SHTN1: variants seen among roughly 807,000 people sequenced by gnomAD.
SHTN1 encodes the protein shootin 1, also known as shootin-1.
A neutral mutation model predicts 83.1 loss-of-function variants in SHTN1; 42 were observed. That is an observed-to-expected ratio of 0.51 (90% CI 0.39 to 0.65). The LOEUF (loss-of-function observed/expected upper bound fraction) is 0.65. Among genes scored for constraint, SHTN1 ranks in the 30% least tolerant of loss-of-function variants. SHTN1 has a pLI of 0.00. For synonymous variants in SHTN1, 224 were observed against 247.7 expected (o/e 0.90, Z 0.90); for missense variants, 622 against 737.8 (o/e 0.84, Z 1.82).
chr10:117,033,287 G>A (rs1334516793), intron 2 of SHTN1, among the ~76,000 whole-genome samples: 5 of 151,730 alleles, frequency 3.3e-5, no homozygotes. Flanking sequence ...CAAACCTTTA[G>A]CCAGACTAAG....
intron 1 of SHTN1, among the ~76,000 whole-genome samples, chr10:117,069,876 T>C (rs1012493362): frequency 6.6e-6 from 1 of 152,130 alleles, no homozygotes; most frequent in Non-Finnish European, 1.5e-5. Context: ...GGGAAAATAT[T>C]TAAAGCCCTG....
intron 1 of SHTN1, among the ~76,000 whole-genome samples, chr10:117,117,105 A>G (rs1008757388): frequency 1.3e-5 from 2 of 152,136 alleles, no homozygotes; most frequent in Non-Finnish European, 2.9e-5. Flanking sequence ...TAGGAAAAGA[A>G]GAAGTCAAAC....
intron 4 of SHTN1, among the ~76,000 whole-genome samples, chr10:116,954,688 G>C (rs893908302): frequency 6.6e-6 from 1 of 151,982 alleles, no homozygotes; most frequent in African/African-American, 2.4e-5. Context: ...CCATCCCTTT[G>C]GCCACAGCGA....
At chr10:116,923,304 A>T (rs1392059070) in intron 11 of SHTN1, among the ~76,000 whole-genome samples, 2 of 152,240 alleles carry the variant, frequency 1.3e-5, no homozygotes, top group African/African-American at 4.8e-5. Context: ...ACATATCTGC[A>T]TATAGCATCA....
intron 5 of SHTN1, among the ~76,000 whole-genome samples, chr10:116,953,186 G>T (rs1026641798): frequency 6.6e-6 from 1 of 152,182 alleles, no homozygotes; most frequent in African/African-American, 2.4e-5. Flanking sequence ...TACTGAGCCA[G>T]AACTGCTTTC....
chr10:117,053,616 C>T (rs1219560499), intron 1 of SHTN1, among the ~76,000 whole-genome samples: 1 of 152,062 alleles, frequency 6.6e-6, no homozygotes, highest in African/African-American at 2.4e-5. Context: ...GAAGTGTTGG[C>T]AAGGATGTGG....
chr10:117,107,869 A>T (rs1373261761), intron 1 of SHTN1, among the ~76,000 whole-genome samples: 1 of 152,188 alleles, frequency 6.6e-6, no homozygotes, highest in Non-Finnish European at 1.5e-5. Context: ...TCTGTCACCC[A>T]GGCTGGAGTG....
At chr10:117,004,048 C>T (rs976200339) in intron 1 of SHTN1, among the ~76,000 whole-genome samples, 4 of 151,982 alleles carry the variant, frequency 2.6e-5, no homozygotes, top group African/African-American at 7.2e-5. Flanking sequence ...CCACCACGCC[C>T]GGCTAATTTT....
intron 8 of SHTN1, among the ~76,000 whole-genome samples, chr10:116,943,908 ACTCCT>A (rs1454803431): frequency 1.3e-5 from 2 of 151,966 alleles, no homozygotes; most frequent in African/African-American, 4.8e-5. Context: ...CCATTGGTGA[ACTCCT>A]CATCCCCCTG....
intron 2 of SHTN1, among the ~76,000 whole-genome samples, chr10:116,978,163 T>C (rs1850877780): frequency 6.6e-6 from 1 of 152,196 alleles, no homozygotes; most frequent in Non-Finnish European, 1.5e-5. Context: ...ACTGGAGTAC[T>C]TACCATTAAT....
chr10:116,923,480 G>A (rs924274388), intron 11 of SHTN1, among the ~76,000 whole-genome samples: 1 of 151,988 alleles, frequency 6.6e-6, no homozygotes, highest in African/African-American at 2.4e-5. Context: ...GCATAACATT[G>A]CCCTTAGGAA....
At chr10:116,979,427 G>T in intron 1 of SHTN1, 119 bp from the exon 2 acceptor site, 1 of 776,294 alleles carries the variant, frequency 1.3e-6, no homozygotes, top group Non-Finnish European at 2.2e-6. Flanking sequence ...TGGAGAAGAG[G>T]CTGCAGAAAA....
intron 16 of SHTN1, among the ~76,000 whole-genome samples, chr10:116,894,969 TTATAA>T (rs2133310297): frequency 6.6e-6 from 1 of 152,282 alleles, no homozygotes; most frequent in South Asian, 2.1e-4. Context: ...CTGCCTCTCT[TTATAA>T]TAAAAATGTC....
chr10:117,061,707 G>A (rs535418093), intron 1 of SHTN1, among the ~76,000 whole-genome samples: 242 of 152,188 alleles, frequency 1.6e-3, no homozygotes, highest in African/African-American at 5.3e-3. Flanking sequence ...CCGACCTCAG[G>A]TGATCCGCCT....
At chr10:117,052,228 G>A (rs1180915167) in intron 1 of SHTN1, among the ~76,000 whole-genome samples, 2 of 151,558 alleles carry the variant, frequency 1.3e-5, no homozygotes, top group Non-Finnish European at 2.9e-5. Context: ...CCAAGGAGAT[G>A]TAAGATTTGT....
In SHTN1 at chr10:116,884,020, T is replaced by G; in HGVS notation, c.*2324A>C. The G allele has an allele frequency of 4.4e-6, 1 of 224,724 alleles. No individual in the cohort carries two copies. Among genetic ancestry groups the G allele is most frequent in the Non-Finnish European group, 9.3e-6 (1 of 107,126 alleles). 13.9% of individuals were successfully genotyped at this position (224,724 alleles called of 1,614,324 possible). A position where few individuals can be genotyped will look rare whatever the true frequency, so the allele number is the denominator to read the frequency against. On this transcript the variant is annotated 3_prime_UTR_variant, in exon 17 of 17. Coordinates refer to ENST00000355371, the MANE Select transcript of SHTN1 (RefSeq NM_001127211.3). ...TATAAAATGCATCAACATTCGTTTT[T>G]CTTAAAGAAAAAAAATCCTCTATAG...
chr10:117,095,270 C>T (rs1853488808), intron 1 of SHTN1, among the ~76,000 whole-genome samples: 1 of 152,146 alleles, frequency 6.6e-6, no homozygotes, highest in African/African-American at 2.4e-5. Flanking sequence ...AATAAGCATA[C>T]AGCAAGAGAG....
intron 2 of SHTN1, among the ~76,000 whole-genome samples, chr10:117,010,806 A>G (rs1589894456): frequency 1.3e-5 from 2 of 152,346 alleles, no homozygotes; most frequent in East Asian, 3.9e-4. Context: ...AATATGTCAC[A>G]TTAATAGGAA....
At chr10:116,945,497 C>T (rs929712302) in intron 7 of SHTN1, among the ~76,000 whole-genome samples, 4 of 151,970 alleles carry the variant, frequency 2.6e-5, no homozygotes, top group Non-Finnish European at 5.9e-5. Context: ...CATTTTTGTT[C>T]TTTAAAAGCC....
Sources: allele counts gnomAD v4.1 joint callset (sites outside exome capture counted in the v4.1 genomes callset), GRCh38; gene constraint gnomAD v4.1.1; transcripts MANE v1.5; gene names NCBI Gene and HGNC (gene_info 2026-07-23, HGNC 2026-07-21).